CSRNP3: variants seen among roughly 807,000 people sequenced by gnomAD.
CSRNP3 encodes the protein cysteine and serine rich nuclear protein 3, also known as cysteine/serine-rich nuclear protein 3.
Under a neutral mutation model 48.0 loss-of-function variants are expected in CSRNP3, and 12 were observed. The observed-to-expected ratio is 0.25, with a 90% CI of 0.16 to 0.41. The LOEUF (loss-of-function observed/expected upper bound fraction) is 0.41. Among genes scored for constraint, CSRNP3 ranks in the 10% least tolerant of loss-of-function variants. CSRNP3 has a pLI of 1.00. For missense variants in CSRNP3, 580 were observed against 724.4 expected (o/e 0.80, Z 2.29); for synonymous variants, 263 against 269.7 (o/e 0.98, Z 0.24).
chr2:165,622,959 A>G (rs149047430), intron 4 of CSRNP3, among the ~76,000 whole-genome samples: 1,609 of 152,280 alleles, frequency 0.011, 36 homozygotes, highest in African/African-American at 0.037. Flanking sequence ...AGGAATTTGC[A>G]CTGTACCTGT....
chr2:165,476,430 C>A (rs558766880), intron 1 of CSRNP3, among the ~76,000 whole-genome samples: 8 of 152,232 alleles, frequency 5.3e-5, no homozygotes, highest in African/African-American at 1.9e-4. Context: ...AAAAGAATAA[C>A]GAATGAAATA....
intron 5 of CSRNP3, among the ~76,000 whole-genome samples, chr2:165,659,546 G>A (rs1687063827): frequency 6.6e-6 from 1 of 152,134 alleles, no homozygotes; most frequent in South Asian, 2.1e-4. Flanking sequence ...TGTCAGGAAG[G>A]TATCCAAGTG....
At chr2:165,667,896 T>C (rs1687261239) in intron 5 of CSRNP3, among the ~76,000 whole-genome samples, 1 of 152,240 alleles carries the variant, frequency 6.6e-6, no homozygotes, top group African/African-American at 2.4e-5. Context: ...ATGGCAGAAC[T>C]GTTGTACATC....
chr2:165,534,025 A>G (rs1277662799), intron 3 of CSRNP3, among the ~76,000 whole-genome samples: 3 of 152,080 alleles, frequency 2.0e-5, no homozygotes, highest in Non-Finnish European at 2.9e-5. Flanking sequence ...TATAACTGTA[A>G]ATTTTGAAGC....
intron 4 of CSRNP3, among the ~76,000 whole-genome samples, chr2:165,597,817 A>G (rs1685837412): frequency 6.6e-6 from 1 of 152,136 alleles, no homozygotes; most frequent in South Asian, 2.1e-4. Context: ...TTTAACAACA[A>G]TAGTAACAAA....
intron 4 of CSRNP3, among the ~76,000 whole-genome samples, chr2:165,631,925 G>A (rs1686544091): frequency 6.6e-6 from 1 of 152,208 alleles, no homozygotes; most frequent in Non-Finnish European, 1.5e-5. Flanking sequence ...TTAAAGAAAA[G>A]ATTAATATCT....
chr2:165,639,100 A>G (rs1686682762), intron 4 of CSRNP3, among the ~76,000 whole-genome samples: 1 of 152,218 alleles, frequency 6.6e-6, no homozygotes, highest in South Asian at 2.1e-4. Flanking sequence ...TATGCCTGAA[A>G]AAAACATGTC....
chr2:165,492,733 A>G (rs1684233445), intron 1 of CSRNP3, among the ~76,000 whole-genome samples: 1 of 150,036 alleles, frequency 6.7e-6, no homozygotes, highest in African/African-American at 2.4e-5. Flanking sequence ...GTAAAAAAAA[A>G]AAAAAAAAAA....
chr2:165,581,016 A>G lies in CSRNP3; in HGVS notation c.-23-14027A>G, dbSNP rs574745794. Among the ~76,000 whole-genome samples, 7 of 152,318 alleles carry G rather than the reference A, an allele frequency of 4.6e-5. No homozygotes were observed. In the South Asian group the frequency reaches 1.4e-3, roughly 32 times the overall value. ...GTTATGGAGGGAAAAGTAGGCTTACACTAGGCACTTGATCAAATTTCAACA... is the reference window on the plus strand; with the variant it reads ...GTTATGGAGGGAAAAGTAGGCTTACGCTAGGCACTTGATCAAATTTCAACA... On this transcript the variant is annotated intron_variant, in intron 3 of 6. Coordinates refer to ENST00000651982, the MANE Select transcript of CSRNP3 (RefSeq NM_001172173.2).
In CSRNP3 at chr2:165,666,645, CAGAG is replaced by C. The variant is rs1377838067; in HGVS notation, c.408+8628_408+8631del. Among the ~76,000 whole-genome samples, 4 of 72,392 alleles carry C rather than the reference CAGAG, an allele frequency of 5.5e-5. 1 individual carries two copies. The highest frequency in any genetic ancestry group is 2.2e-4 in the African/African-American group (4 of 18,294). 47.5% of individuals were successfully genotyped at this position (72,392 alleles called of 152,430 possible). A position where few individuals can be genotyped will look rare whatever the true frequency, so the allele number is the denominator to read the frequency against. On this transcript the variant is annotated intron_variant, in intron 5 of 6. Transcript: ENST00000651982. The stretch of plus-strand genomic sequence containing the variant: ...AAGGAAGGAAGTAAGGGAGGAAAGA[CAGAG>C]AGGAAGAAAAGAGAGAGGAAGGAAG...
chr2:165,667,142 A>C (rs1056681248), intron 5 of CSRNP3, among the ~76,000 whole-genome samples: 2 of 149,856 alleles, frequency 1.3e-5, no homozygotes, highest in East Asian at 4.0e-4. Context: ...AAAGAGAGAG[A>C]GAAAAGGAAG....
At chr2:165,661,612 C>G (rs1012198553) in intron 5 of CSRNP3, among the ~76,000 whole-genome samples, 2 of 152,156 alleles carry the variant, frequency 1.3e-5, no homozygotes, top group African/African-American at 4.8e-5. Context: ...CATCATAAAC[C>G]AGGGACCTTT....
At chr2:165,585,215 T>G (rs1430109853) in intron 3 of CSRNP3, among the ~76,000 whole-genome samples, 2 of 150,092 alleles carry the variant, frequency 1.3e-5, no homozygotes, top group African/African-American at 4.9e-5. Flanking sequence ...ATAATGTGTT[T>G]TTTTTTTTTT....
chr2:165,484,646 C>CA (rs1684088997), intron 1 of CSRNP3, among the ~76,000 whole-genome samples: 1 of 152,134 alleles, frequency 6.6e-6, no homozygotes, highest in Non-Finnish European at 1.5e-5. Context: ...GTGGATGGGA[C>CA]AAACTCAATA....
intron 4 of CSRNP3, among the ~76,000 whole-genome samples, chr2:165,616,800 C>A (rs1686251904): frequency 6.6e-6 from 1 of 152,066 alleles, no homozygotes; most frequent in Non-Finnish European, 1.5e-5. Context: ...AATATCTCTT[C>A]CAATATTTGG....
chr2:165,494,654 A>G (rs1319662549), intron 1 of CSRNP3, 105 bp from the exon 2 acceptor site: 2 of 153,522 alleles, frequency 1.3e-5, no homozygotes, highest in African/African-American at 4.8e-5. Context: ...TGGATATGAT[A>G]ATGTGGTTCA....
intron 3 of CSRNP3, among the ~76,000 whole-genome samples, chr2:165,583,800 G>T (rs1685585075): frequency 6.6e-6 from 1 of 152,052 alleles, no homozygotes; most frequent in African/African-American, 2.4e-5. Context: ...ACAAATAATA[G>T]AACAAATTAA....
chr2:165,668,401 CTTTTTT>C (rs71393687), intron 5 of CSRNP3, among the ~76,000 whole-genome samples: 4 of 111,498 alleles, frequency 3.6e-5, no homozygotes, highest in African/African-American at 1.4e-4. Flanking sequence ...TTCTTTCTTT[CTTTTTT>C]TTTTTTTTTT....
At chr2:165,660,699 G>A (rs1286834549) in intron 5 of CSRNP3, among the ~76,000 whole-genome samples, 1 of 152,194 alleles carries the variant, frequency 6.6e-6, no homozygotes, top group East Asian at 1.9e-4. Flanking sequence ...AAAAGAAGGA[G>A]CCAAAAGACC....
Sources: allele counts gnomAD v4.1 joint callset (sites outside exome capture counted in the v4.1 genomes callset), GRCh38; gene constraint gnomAD v4.1.1; transcripts MANE v1.5; gene names NCBI Gene and HGNC (gene_info 2026-07-23, HGNC 2026-07-21).